The following AKAP12 variants were observed in gnomAD, a reference collection of about 807,000 sequenced individuals.
AKAP12 encodes A-kinase anchor protein 12.
In AKAP12, 32 loss-of-function variants were observed where a neutral mutation model predicts 79.9. The observed-to-expected ratio is 0.40, with a 90% CI of 0.30 to 0.54. The LOEUF (loss-of-function observed/expected upper bound fraction) is 0.54, where lower values mean the gene tolerates loss of function less well. AKAP12 is among the 20% of genes least tolerant of loss of function. The pLI, the probability that AKAP12 is intolerant of heterozygous loss-of-function variation, is 0.48. For synonymous variants in AKAP12, 808 were observed against 857.0 expected (o/e 0.94, Z 1.00); for missense variants, 2,074 against 2,177.0 (o/e 0.95, Z 0.94).
intron 3 of AKAP12, among the ~76,000 whole-genome samples, chr6:151,333,339 C>T (rs935446988): frequency 5.3e-5 from 8 of 152,178 alleles, no homozygotes; most frequent in Non-Finnish European, 1.0e-4. Context: ...TGAGCCTCTC[C>T]TGCCTGCCGC....
Position 151,349,547 on chromosome 6 carries a change from A to T in AKAP12, c.1156A>T (p.Ser386Cys), listed in dbSNP as rs1345163658. 1 of 1,611,812 alleles carries T rather than the reference A, an allele frequency of 6.2e-7. No individual in the cohort carries two copies. The highest frequency in any genetic ancestry group is 1.1e-5 in the South Asian group (1 of 91,026). Residue 386 changes from serine to cysteine, a missense_variant, in exon 4 of 5, where the codon AGT (serine) becomes TGT (cysteine). Physicochemically the swap from Ser to Cys is moderately radical, Grantham distance 112 (BLOSUM62 -1). This residue lies in a region of AKAP12 where 1,428 missense variants were observed against 1,451.0 expected (regional missense o/e 0.98). Coordinates refer to ENST00000402676, the MANE Select transcript of AKAP12 (RefSeq NM_005100.4). ...TGAGCTGCCCTCAGAGGAGCAAGTC[A>T]GTGGCTCGCAGGGACCTTCTGAAGA... ...KVELPSEEQVSGSQGPSEEKP... is the reference protein window; with the variant it reads ...KVELPSEEQVCGSQGPSEEKP...
At chr6:151,340,691 T>C (rs1777922851) in intron 3 of AKAP12, among the ~76,000 whole-genome samples, 1 of 151,170 alleles carries the variant, frequency 6.6e-6, no homozygotes, top group Admixed American at 6.6e-5. Flanking sequence ...AACTTAAAGC[T>C]CTTTACAACC....
chr6:151,279,514 T>C (rs374281080), intron 2 of AKAP12, among the ~76,000 whole-genome samples: 6 of 152,188 alleles, frequency 3.9e-5, no homozygotes, highest in East Asian at 1.9e-4. Context: ...TTTTAATATG[T>C]ATGCAAGAAG....
intron 3 of AKAP12, among the ~76,000 whole-genome samples, chr6:151,330,311 C>G (rs982968122): frequency 3.3e-5 from 5 of 152,174 alleles, no homozygotes; most frequent in African/African-American, 4.8e-5. Context: ...AAAAAACACA[C>G]CAGGTCCAAT....
chr6:151,317,933 C>T (rs1036053031), intron 3 of AKAP12, among the ~76,000 whole-genome samples: 1 of 152,156 alleles, frequency 6.6e-6, no homozygotes, highest in East Asian at 1.9e-4. Context: ...TGATAGTGTC[C>T]AACCAAATAG....
At chr6:151,261,478 G>C (rs1231834724) in intron 2 of AKAP12, among the ~76,000 whole-genome samples, 1 of 152,010 alleles carries the variant, frequency 6.6e-6, no homozygotes, top group Non-Finnish European at 1.5e-5. Flanking sequence ...ATCAACTGAG[G>C]TCGGGAGTTC....
At chr6:151,337,275 TG>T (rs1777838850) in intron 3 of AKAP12, among the ~76,000 whole-genome samples, 1 of 149,902 alleles carries the variant, frequency 6.7e-6, no homozygotes, top group African/African-American at 2.5e-5. Context: ...GAGGCCAAGG[TG>T]GGTAGATCAC....
rs182251254 is a variant in AKAP12, at chr6:151,286,364, A to G, written c.163-19383A>G. The stretch of plus-strand genomic sequence containing the variant: ...TCTGCTCCATTTCTGTGCTGTTACT[A>G]CACACATACGTTCTACTTTGCTTGC... On this transcript the variant is annotated intron_variant, in intron 2 of 4. Transcript: ENST00000402676. 2.0e-3 allele frequency among the ~76,000 whole-genome samples: 306 copies of G among 152,290 alleles called. 3 individuals carry two copies. Among genetic ancestry groups the G allele is most frequent in the African/African-American group, 6.9e-3 (286 of 41,564 alleles).
chr6:151,321,193 A>G (rs1233085051), intron 3 of AKAP12, among the ~76,000 whole-genome samples: 8 of 151,936 alleles, frequency 5.3e-5, no homozygotes, highest in Non-Finnish European at 1.0e-4. Flanking sequence ...CACCATGTTG[A>G]CCAGGCTGGT....
chr6:151,260,681 G>A (rs577032571), intron 2 of AKAP12, among the ~76,000 whole-genome samples: 4 of 152,296 alleles, frequency 2.6e-5, no homozygotes, highest in South Asian at 2.1e-4. Flanking sequence ...CGTCTGAAAC[G>A]AGAATTGATA....
chr6:151,321,439 T>C lies in AKAP12; in HGVS notation c.319+15536T>C, dbSNP rs1213074041. ...TTCAAATAAATGGAATTAAACCGTG[T>C]ATGCTCTTTGGTGACTAGCTTCTTT... On this transcript the variant is annotated intron_variant, in intron 3 of 4. Coordinates refer to ENST00000402676, the MANE Select transcript of AKAP12 (RefSeq NM_005100.4). Among the ~76,000 whole-genome samples the C allele has an allele frequency of 2.0e-5, 3 of 152,244 alleles. No individual in the cohort carries two copies. In the East Asian group the frequency reaches 5.8e-4, roughly 29 times the overall value.
intron 4 of AKAP12, among the ~76,000 whole-genome samples, 158 bp downstream of exon 4, chr6:151,353,910 T>C (rs1281099538): frequency 1.3e-5 from 2 of 152,204 alleles, no homozygotes; most frequent in African/African-American, 4.8e-5. Flanking sequence ...TAGGATAGTT[T>C]CATGGTTTTT....
intron 2 of AKAP12, among the ~76,000 whole-genome samples, chr6:151,287,902 A>T (rs531495839): frequency 6.6e-6 from 1 of 152,214 alleles, no homozygotes; most frequent in African/African-American, 2.4e-5. Flanking sequence ...GGACGAGTTC[A>T]TGTCCTTTGC....
At position 151,305,866 on chromosome 6, in the gene AKAP12, A is replaced by G; in HGVS notation, c.282A>G (p.Leu94=). 6.2e-7 allele frequency: 1 copy of G among 1,613,380 alleles called. No homozygotes were observed. Among genetic ancestry groups the G allele is most frequent in the African/African-American group, 1.3e-5 (1 of 75,010 alleles). ...QKGALNGQGA[L]NSQEEEEVIV... ...GAGCCCTGAACGGTCAAGGAGCCCTAAACAGCCAGGAGGAAGAAGAAGTCA... is the reference window on the plus strand; with the variant it reads ...GAGCCCTGAACGGTCAAGGAGCCCTGAACAGCCAGGAGGAAGAAGAAGTCA... The change falls in exon 3 of 5, where the codon CTA becomes CTG. Residue 94 remains leucine (L), a synonymous_variant. Transcript: ENST00000402676.
chr6:151,349,531 C>T lies in AKAP12; in HGVS notation c.1140C>T (p.Pro380=), dbSNP rs1337164817. Residue 380 remains proline (P), a synonymous_variant, in exon 4 of 5, where the codon CCC becomes CCT. Transcript: ENST00000402676. The part of the protein sequence containing the change: ...LSAEYEKVEL[P]SEEQVSGSQG... ...CTGAATATGAGAAAGTTGAGCTGCC[C>T]TCAGAGGAGCAAGTCAGTGGCTCGC... 1.2e-6 allele frequency: 2 copies of T among 1,611,670 alleles called. No individual in the cohort carries two copies. The highest frequency in any genetic ancestry group is 1.7e-6 in the Non-Finnish European group (2 of 1,179,406).
chr6:151,253,898 G>T (rs924291756), intron 2 of AKAP12, among the ~76,000 whole-genome samples: 1 of 151,582 alleles, frequency 6.6e-6, no homozygotes, highest in Non-Finnish European at 1.5e-5. Context: ...TAGTAGAGAC[G>T]GGGTTTTACC....
At chr6:151,336,721 C>A (rs187170138) in intron 3 of AKAP12, among the ~76,000 whole-genome samples, 2 of 152,126 alleles carry the variant, frequency 1.3e-5, no homozygotes, top group African/African-American at 2.4e-5. Context: ...CCAGCCTGGG[C>A]GACAGAGCGA....
chr6:151,304,831 C>G (rs1776942810), intron 2 of AKAP12, among the ~76,000 whole-genome samples: 1 of 151,920 alleles, frequency 6.6e-6, no homozygotes, highest in Non-Finnish European at 1.5e-5. Flanking sequence ...CTCGGCCTCC[C>G]AAAGTGCTGG....
intron 2 of AKAP12, among the ~76,000 whole-genome samples, chr6:151,260,536 A>G (rs1257924453): frequency 6.6e-6 from 1 of 152,240 alleles, no homozygotes; most frequent in Non-Finnish European, 1.5e-5. Flanking sequence ...TCTGCTGTCA[A>G]GTAAATGGTG....
Sources: allele counts gnomAD v4.1 joint callset (sites outside exome capture counted in the v4.1 genomes callset), GRCh38; gene constraint gnomAD v4.1.1; regional missense constraint gnomAD v4.1.1; transcripts MANE v1.5; gene names NCBI Gene and HGNC (gene_info 2026-07-23, HGNC 2026-07-21).